Variants in AKNA observed in about 807,000 individuals in gnomAD.
AKNA encodes microtubule organization protein AKNA.
In AKNA, 67 loss-of-function variants were observed where a neutral mutation model predicts 138.8. That is an observed-to-expected ratio of 0.48 (90% confidence interval 0.40 to 0.59). The LOEUF (loss-of-function observed/expected upper bound fraction) is 0.59, where lower values mean the gene tolerates loss of function less well. Among genes scored for constraint, AKNA ranks in the 20% least tolerant of loss-of-function variants. AKNA has a pLI of 0.00. For missense variants in AKNA, 1,813 were observed against 1,880.4 expected, an observed-to-expected ratio of 0.96 and a Z score of 0.66; for synonymous variants, 737 against 754.4, an observed-to-expected ratio of 0.98 and a Z score of 0.38.
At chr9:114,357,412 A>T (rs930360926) in intron 12 of AKNA, among the ~76,000 whole-genome samples, 2 of 152,334 alleles carry the variant, frequency 1.3e-5, no homozygotes, top group South Asian at 4.1e-4. Context: ...TGGGTTTAAC[A>T]CACGGCACAG....
intron 1 of AKNA, among the ~76,000 whole-genome samples, chr9:114,387,315 G>A (rs1306525530): frequency 6.6e-6 from 1 of 152,226 alleles, no homozygotes; most frequent in Admixed American, 6.5e-5. Flanking sequence ...TCCAGCAGCA[G>A]AGGCCGAGGA....
At position 114,337,129 on chromosome 9, in the gene AKNA, G is replaced by T; in HGVS notation, c.4245C>A (p.Thr1415=). The T allele has an allele frequency of 6.2e-7, 1 of 1,608,952 alleles. No individual in the cohort carries two copies. Among genetic ancestry groups the T allele is most frequent in the Non-Finnish European group, 8.5e-7 (1 of 1,177,670 alleles). Residue 1415 remains threonine (T), a synonymous_variant, in exon 22 of 22, where the codon ACC becomes ACA. Coordinates refer to ENST00000374088, the MANE Select transcript of AKNA (RefSeq NM_001317950.2). The part of the protein sequence containing the change: ...AVQAAESVRS[T]TRQMRSSLSA... The stretch of plus-strand genomic sequence containing the variant: ...ACAGCGAGCTTCTCATCTGCCTGGT[G>T]GTAGAGCGGACGCTCTCGGCAGCCT...
At chr9:114,387,223 G>C (rs1206804285) in intron 1 of AKNA, among the ~76,000 whole-genome samples, 2 of 152,132 alleles carry the variant, frequency 1.3e-5, no homozygotes, top group Non-Finnish European at 2.9e-5. Flanking sequence ...TTCTCAAGGG[G>C]TTCCCACCAG....
intron 8 of AKNA, among the ~76,000 whole-genome samples, 155 bp downstream of exon 8, chr9:114,362,251 C>T (rs537297548): frequency 5.9e-5 from 9 of 152,274 alleles, no homozygotes; most frequent in African/African-American, 1.2e-4. Flanking sequence ...AGCTTTTGAT[C>T]GTGCCACCAT....
chr9:114,366,046 A>G (rs1160598627), intron 6 of AKNA, among the ~76,000 whole-genome samples: 1 of 152,242 alleles, frequency 6.6e-6, no homozygotes, highest in East Asian at 1.9e-4. Context: ...TGGGAGGCCG[A>G]GGCAGGCATA....
At chr9:114,349,525 G>C (rs1487807741) in intron 15 of AKNA, among the ~76,000 whole-genome samples, 1 of 152,018 alleles carries the variant, frequency 6.6e-6, no homozygotes, top group East Asian at 1.9e-4. Context: ...CTCTCTCCTG[G>C]ATGTGGCAGC....
In AKNA at chr9:114,356,020, C is replaced by T. The variant is rs375872162; in HGVS notation, c.2963G>A (p.Arg988Gln). The T allele has an allele frequency of 7.2e-5, 117 of 1,614,016 alleles. No individual in the cohort carries two copies. Among genetic ancestry groups the T allele is most frequent in the Non-Finnish European group, 8.9e-5 (105 of 1,180,032 alleles). ...PRRATEPSTPRSQAQRYLSSP... is the reference protein window; with the variant it reads ...PRRATEPSTPQSQAQRYLSSP... ...GGAGAGGTACCTCTGTGCTTGGCTCCGGGGTGTGCTGGGCTCTGTGGCTCT... is the reference window on the plus strand; with the variant it reads ...GGAGAGGTACCTCTGTGCTTGGCTCTGGGGTGTGCTGGGCTCTGTGGCTCT... The change falls in exon 14 of 22, where the codon CGG becomes CAG. Residue 988 changes from arginine (R) to glutamine (Q), a missense_variant. Coordinates refer to ENST00000374088, the MANE Select transcript of AKNA (RefSeq NM_001317950.2).
chr9:114,341,505 C>T (rs1695876997), intron 21 of AKNA, 28 bp downstream of exon 21: 2 of 1,613,386 alleles, frequency 1.2e-6, no homozygotes, highest in South Asian at 2.2e-5. Context: ...TAGAAAGAGG[C>T]TGGGAAGGTC....
At chr9:114,378,908 G>A (rs1317709630) in intron 2 of AKNA, among the ~76,000 whole-genome samples, 1 of 152,170 alleles carries the variant, frequency 6.6e-6, no homozygotes, top group Non-Finnish European at 1.5e-5. Context: ...TAGACTCTCT[G>A]TTCAGGCAGA....
At position 114,374,129 on chromosome 9, in the gene AKNA, G is replaced by C. The variant is rs41278661; in HGVS notation, c.1380C>G (p.Ala460=). Residue 460 remains alanine, a synonymous_variant, in exon 4 of 22, where the codon GCC becomes GCG. Coordinates refer to ENST00000374088, the MANE Select transcript of AKNA (RefSeq NM_001317950.2). ...GGCGTAGCTGGTCAATGGTGTTCTC[G>C]GCCTCAGCGTACTTGGTGAGGAGCC... The part of the protein sequence containing the change: ...YHRLLTKYAE[A]ENTIDQLRLG... 1 of 1,559,604 alleles carries C rather than the reference G, an allele frequency of 6.4e-7. No individual in the cohort carries two copies. Among genetic ancestry groups the C allele is most frequent in the Non-Finnish European group, 8.7e-7 (1 of 1,151,288 alleles).
intron 6 of AKNA, 50 bp from the exon 7 acceptor site, chr9:114,364,669 G>T (rs1439696090): frequency 6.3e-7 from 1 of 1,579,888 alleles, no homozygotes; most frequent in Admixed American, 1.7e-5. Flanking sequence ...CAGTCCTGTA[G>T]ACTCCCACAC....
chr9:114,331,452 C>T (rs560323510), downstream of AKNA: 120 of 802,014 alleles, frequency 1.5e-4, no homozygotes, highest in Middle Eastern at 1.2e-3. Flanking sequence ...AAAGGAGACC[C>T]GGGCCTTCAC....
At chr9:114,349,951 C>A (rs537793703) in intron 15 of AKNA, among the ~76,000 whole-genome samples, 36 of 152,326 alleles carry the variant, frequency 2.4e-4, no homozygotes, top group Middle Eastern at 3.4e-3. Flanking sequence ...AGCCTCTAAC[C>A]GGACCAGATG....
chr9:114,377,584 T>C (rs1420837014), intron 2 of AKNA, 52 bp from the exon 3 acceptor site: 1 of 1,500,910 alleles, frequency 6.7e-7, no homozygotes, highest in Non-Finnish European at 9.0e-7. Flanking sequence ...TGCACCCACC[T>C]TGTAACTTAC....
intron 3 of AKNA, among the ~76,000 whole-genome samples, chr9:114,375,567 TTA>T (rs1395124888): frequency 6.6e-6 from 1 of 152,200 alleles, no homozygotes; most frequent in Non-Finnish European, 1.5e-5. Context: ...TGGTATGTGG[TTA>T]TGTTTAATAT....
intron 5 of AKNA, 121 bp from the exon 6 acceptor site, chr9:114,367,818 G>A (rs1441621405): frequency 2.0e-5 from 22 of 1,126,436 alleles, no homozygotes; most frequent in Admixed American, 5.9e-5. Context: ...CACCATGTGC[G>A]ATCTTCACAT....
chr9:114,377,404 C>G lies in AKNA; in HGVS notation c.403G>C (p.Glu135Gln). The G allele has an allele frequency of 6.2e-7, 1 of 1,613,900 alleles. No individual in the cohort carries two copies. Among genetic ancestry groups the G allele is most frequent in the Admixed American group, 1.7e-5 (1 of 59,998 alleles). The change falls in exon 3 of 22, where the codon GAG (glutamate) becomes CAG (glutamine). Residue 135 changes from glutamate (E) to glutamine (Q), a missense_variant. Physicochemically the swap from Glu to Gln is conservative, Grantham distance 29. Coordinates refer to ENST00000374088, the MANE Select transcript of AKNA (RefSeq NM_001317950.2). ...PDGTLGSLEV[E>Q]EAGESSSRLG... ...CTTGAGGAGCTCTCTCCAGCCTCCTCAACCTCCAGACTTCCGAGGGTCCCA... is the reference window on the plus strand; with the variant it reads ...CTTGAGGAGCTCTCTCCAGCCTCCTGAACCTCCAGACTTCCGAGGGTCCCA...
chr9:114,346,762 C>T lies in AKNA; in HGVS notation c.3421G>A (p.Gly1141Ser). The T allele has an allele frequency of 6.2e-7, 1 of 1,612,482 alleles. No homozygotes were observed. Among genetic ancestry groups the T allele is most frequent in the Non-Finnish European group, 8.5e-7 (1 of 1,179,382 alleles). ...ATCTGCTCTTCACCTCTAGGCTCAC[C>T]AGGCAATCTCTCTGTGGATTTACTA... ...YGSKSTERLP[G>S]EPRGEEQIVP... Residue 1141 changes from glycine to serine, a missense_variant, in exon 17 of 22, where the codon GGT (glycine) becomes AGT (serine). Gly to Ser is a moderately conservative substitution (Grantham distance 56, BLOSUM62 0). Transcript: ENST00000374088.
At chr9:114,342,943 A>T (rs1254815122) in intron 19 of AKNA, among the ~76,000 whole-genome samples, 1 of 152,252 alleles carries the variant, frequency 6.6e-6, no homozygotes, top group Non-Finnish European at 1.5e-5. Flanking sequence ...CAGGAAGAGC[A>T]TAGTGGTGAA....
Sources: gnomAD v4.1 joint callset for allele counts (sites outside exome capture counted in the v4.1 genomes callset) on GRCh38, gnomAD v4.1.1 for gene constraint, MANE v1.5 for transcripts, NCBI Gene and HGNC (gene_info 2026-07-23, HGNC 2026-07-21) for gene names.